The following MYLK4 variants were observed in gnomAD, a reference collection of about 807,000 sequenced individuals.
MYLK4 encodes the protein caMLCK like.
A neutral mutation model predicts 48.1 loss-of-function variants in MYLK4; 46 were observed. The ratio of observed to expected loss-of-function variants is 0.96; its 90% CI spans 0.75 to 1.22. The LOEUF is 1.22. Among genes scored for constraint, MYLK4 ranks in the 50% most tolerant of loss-of-function variants. The probability of loss-of-function intolerance (pLI) is 0.00; values close to 1 mark genes in which losing one functional copy is unlikely to be tolerated. For missense variants in MYLK4, 451 were observed against 486.1 expected (o/e 0.93, Z 0.68); for synonymous variants, 170 against 180.8 (o/e 0.94, Z 0.48).
At chr6:2,699,279 TTTCTTTTC>T (rs1166591654) in intron 2 of MYLK4, among the ~76,000 whole-genome samples, 8 of 105,874 alleles carry the variant, frequency 7.6e-5, no homozygotes, top group Admixed American at 1.2e-4. Context: ...CCACTTTTCT[TTTCTTTTC>T]TTTTTTTTTT....
At chr6:2,739,353 C>T (rs1194972897) in intron 2 of MYLK4, among the ~76,000 whole-genome samples, 1 of 152,210 alleles carries the variant, frequency 6.6e-6, no homozygotes, top group Non-Finnish European at 1.5e-5. Context: ...AAAGCTGAGA[C>T]ACTAAGGAAT....
At chr6:2,701,242 G>C (rs936125655) in intron 2 of MYLK4, among the ~76,000 whole-genome samples, 1 of 152,094 alleles carries the variant, frequency 6.6e-6, no homozygotes, top group African/African-American at 2.4e-5. Context: ...TTCACATGGG[G>C]TTCTCGGTAT....
At chr6:2,762,407 T>C in the MYLK4 span, among the ~76,000 whole-genome samples, 1 of 152,242 alleles carries the variant, frequency 6.6e-6, no homozygotes, top group Non-Finnish European at 1.5e-5. Context: ...CAGCATTATT[T>C]TCTGAAAAAA....
chr6:2,704,173 G>A (rs180825072), intron 2 of MYLK4, among the ~76,000 whole-genome samples: 6 of 152,290 alleles, frequency 3.9e-5, no homozygotes, highest in Admixed American at 1.3e-4. Flanking sequence ...TAGAAGGTCG[G>A]GTTGGGGGAA....
intron 2 of MYLK4, among the ~76,000 whole-genome samples, chr6:2,713,370 G>A (rs1341103587): frequency 2.0e-4 from 21 of 103,448 alleles, no homozygotes; most frequent in East Asian, 5.0e-4. Context: ...GTGAAACTCC[G>A]TCTCAAAAAA....
At chr6:2,711,583 A>C (rs1164832192) in intron 2 of MYLK4, among the ~76,000 whole-genome samples, 1 of 152,156 alleles carries the variant, frequency 6.6e-6, no homozygotes, top group East Asian at 1.9e-4. Context: ...TAGGAGGACA[A>C]TTTTCTGTTT....
At chr6:2,686,693 G>A (rs981653027) in intron 4 of MYLK4, among the ~76,000 whole-genome samples, 17 of 152,304 alleles carry the variant, frequency 1.1e-4, no homozygotes, top group South Asian at 4.1e-4. Flanking sequence ...ACTGGCGGCC[G>A]CTGCATCCTA....
At chr6:2,763,564 G>A in the MYLK4 span, among the ~76,000 whole-genome samples, 1 of 152,238 alleles carries the variant, frequency 6.6e-6, no homozygotes, top group South Asian at 2.1e-4. Flanking sequence ...CTCCGAGCGC[G>A]AGGCTTATCT....
chr6:2,677,499 C>G (rs746285548), intron 10 of MYLK4, among the ~76,000 whole-genome samples: 1 of 152,214 alleles, frequency 6.6e-6, no homozygotes, highest in Non-Finnish European at 1.5e-5. Flanking sequence ...CCATCTGAAA[C>G]AGCGTGTTTG....
Position 2,688,842 on chromosome 6 carries a change from C to T in MYLK4, c.341+9G>A, listed in dbSNP as rs2113154375. 1 of 1,608,456 alleles carries T rather than the reference C, an allele frequency of 6.2e-7. No individual in the cohort carries two copies. Among genetic ancestry groups the T allele is most frequent in the South Asian group, 1.1e-5 (1 of 90,930 alleles). On this transcript the variant is annotated intron_variant, in intron 4 of 12. Transcript: ENST00000274643. ...TGTTGAGAGAATATTAACATTCAGC[C>T]TTACTCACCCTCCTAGGATTTCTGT...
At chr6:2,745,972 G>T (rs1764075257) in intron 2 of MYLK4, among the ~76,000 whole-genome samples, 1 of 151,186 alleles carries the variant, frequency 6.6e-6, no homozygotes, top group Non-Finnish European at 1.5e-5. Flanking sequence ...AAAGAACAAG[G>T]CCGGGCACGG....
At chr6:2,743,762 A>G (rs1582126329) in intron 2 of MYLK4, 1 of 395,602 alleles carries the variant, frequency 2.5e-6, no homozygotes, top group Non-Finnish European at 4.5e-6. Flanking sequence ...TATTACCTCA[A>G]CTGCCCCTAA....
At chr6:2,760,018 T>TA in the MYLK4 span, among the ~76,000 whole-genome samples, 1 of 151,862 alleles carries the variant, frequency 6.6e-6, no homozygotes, top group Non-Finnish European at 1.5e-5. Flanking sequence ...GTACAATTAA[T>TA]AAAAAATAGG....
chr6:2,766,426 G>T, the MYLK4 span: 2 of 1,582,762 alleles, frequency 1.3e-6, no homozygotes, highest in Admixed American at 3.5e-5. Context: ...TCCTGTGGGG[G>T]CCGCCGGGCT....
intron 2 of MYLK4, among the ~76,000 whole-genome samples, chr6:2,702,579 G>A (rs1464187283): frequency 6.6e-6 from 1 of 152,086 alleles, no homozygotes; most frequent in Admixed American, 6.5e-5. Flanking sequence ...ACTATTGCAC[G>A]GCTTGGTGAC....
chr6:2,717,471 G>A (rs1762909181), intron 2 of MYLK4, among the ~76,000 whole-genome samples: 1 of 152,158 alleles, frequency 6.6e-6, no homozygotes, highest in South Asian at 2.1e-4. Context: ...TATGGCTGTT[G>A]GGCGTTGGGA....
upstream of MYLK4, among the ~76,000 whole-genome samples, chr6:2,751,911 G>C (rs75096480): frequency 0.022 from 3,288 of 152,256 alleles, 131 homozygotes; most frequent in African/African-American, 0.075. Context: ...TAATGAAGTG[G>C]AACTATAAAT....
At chr6:2,674,958 C>A (rs1209663096) in intron 11 of MYLK4, 89 bp downstream of exon 11, 7 of 879,080 alleles carry the variant, frequency 8.0e-6, no homozygotes, top group Non-Finnish European at 1.3e-5. Flanking sequence ...GAGAAAGAAT[C>A]TTATTTAAGG....
At chr6:2,766,237 G>A in the MYLK4 span, 2 of 1,475,286 alleles carry the variant, frequency 1.4e-6, no homozygotes, top group Non-Finnish European at 9.0e-7. Flanking sequence ...CCAGTGGCGG[G>A]GGCCGCCCGC....
Sources: allele counts gnomAD v4.1 joint callset (sites outside exome capture counted in the v4.1 genomes callset), GRCh38; gene constraint gnomAD v4.1.1; transcripts MANE v1.5; gene names NCBI Gene and HGNC (gene_info 2026-07-23, HGNC 2026-07-21).